The following TBC1D32 variants were observed in gnomAD, a reference collection of about 807,000 sequenced individuals.
The protein encoded by TBC1D32 is TBC1 domain family member 32.
In TBC1D32, 151 loss-of-function variants were observed where a neutral mutation model predicts 170.3. The ratio of observed to expected loss-of-function variants is 0.89; its 90% confidence interval spans 0.78 to 1.01. The LOEUF is 1.01. Among genes scored for constraint, TBC1D32 ranks in the 50% least tolerant of loss-of-function variants. TBC1D32 has a pLI of 0.00. For missense variants in TBC1D32, 1,464 were observed against 1,457.1 expected, an observed-to-expected ratio of 1.00 and a Z score of -0.08; for synonymous variants, 498 against 488.0, an observed-to-expected ratio of 1.02 and a Z score of -0.27.
At chr6:121,160,909 C>G (rs752770413) in intron 23 of TBC1D32, 39 bp downstream of exon 23, 2 of 1,538,634 alleles carry the variant, frequency 1.3e-6, no homozygotes, top group Admixed American at 1.7e-5. Context: ...CAAAATATGT[C>G]AGAAAAACAC....
intron 24 of TBC1D32, among the ~76,000 whole-genome samples, chr6:121,150,356 G>A (rs547532687): frequency 1.5e-4 from 23 of 152,258 alleles, no homozygotes; most frequent in Middle Eastern, 3.4e-3. Context: ...GGATGAAGCC[G>A]ACTTGATTGT....
At chr6:121,221,691 T>A (rs1794544643) in intron 21 of TBC1D32, among the ~76,000 whole-genome samples, 1 of 152,134 alleles carries the variant, frequency 6.6e-6, no homozygotes, top group Non-Finnish European at 1.5e-5. Flanking sequence ...AAAACTAGAA[T>A]TAAAAGTGGA....
chr6:121,275,340 T>C (rs1251504671), intron 15 of TBC1D32, among the ~76,000 whole-genome samples: 1 of 152,198 alleles, frequency 6.6e-6, no homozygotes, highest in African/African-American at 2.4e-5. Context: ...GAACTGCTAC[T>C]TTTTATAATA....
chr6:121,291,473 A>T (rs1360320987), intron 12 of TBC1D32, among the ~76,000 whole-genome samples: 1 of 152,222 alleles, frequency 6.6e-6, no homozygotes, highest in East Asian at 1.9e-4. Context: ...GTTCCCTGCC[A>T]TATACTATAT....
At chr6:121,297,252 T>C (rs546280945) in intron 10 of TBC1D32, among the ~76,000 whole-genome samples, 1 of 152,090 alleles carries the variant, frequency 6.6e-6, no homozygotes, top group African/African-American at 2.4e-5. Flanking sequence ...TAGACAGAAA[T>C]TTGCTATAAA....
chr6:121,125,317 G>T (rs557601306), intron 26 of TBC1D32, among the ~76,000 whole-genome samples: 50 of 152,280 alleles, frequency 3.3e-4, no homozygotes, highest in Non-Finnish European at 5.6e-4. Flanking sequence ...AAGACATGGG[G>T]AAGATCCAAA....
rs577737831 is a variant in TBC1D32, at chr6:121,185,140, T to C, written c.2570+19935A>G. ...ATACAAATCAGTACCTGAAGTCTCA[T>C]CTGTCTCCAAAGTAAATGAGTAGAT... On this transcript the variant is annotated intron_variant, in intron 22 of 31. Coordinates refer to ENST00000398212, the MANE Select transcript of TBC1D32 (RefSeq NM_152730.6). 5.3e-5 allele frequency among the ~76,000 whole-genome samples: 8 copies of C among 152,134 alleles called. No individual in the cohort carries two copies. The East Asian group carries it at 1.2e-3, about 22-fold the overall frequency.
rs144168528 is a variant in TBC1D32 at position 121,197,364 on chromosome 6, A to T, written c.2570+7711T>A. Among the ~76,000 whole-genome samples, 739 of 152,316 alleles carry T rather than the reference A, an allele frequency of 4.9e-3. 3 individuals are homozygous for T. Among genetic ancestry groups the T allele is most frequent in the Non-Finnish European group, 5.8e-3 (397 of 68,026 alleles). On this transcript the variant is annotated intron_variant, in intron 22 of 31. Transcript: ENST00000398212. ...AAAACCATGACCTCCTGAGGTACTGAAGGCAAAGGGAATACAGAATGGGTA... is the reference window on the plus strand; with the variant it reads ...AAAACCATGACCTCCTGAGGTACTGTAGGCAAAGGGAATACAGAATGGGTA...
rs553663745 is a variant in TBC1D32, at chr6:121,169,748, T to C, written c.2571-8692A>G. Among the ~76,000 whole-genome samples, 51 of 152,226 alleles carry C rather than the reference T, an allele frequency of 3.4e-4. 1 individual carries two copies. The South Asian group carries it at 0.01, about 31-fold the overall frequency. Reference sequence around the variant, plus strand: ...TATCAAGTAATATACTCCATAATAATTTTCCAAGACCTGGCTAAGATGCAG... The same window carrying C: ...TATCAAGTAATATACTCCATAATAACTTTCCAAGACCTGGCTAAGATGCAG... On this transcript the variant is annotated intron_variant, in intron 22 of 31. Coordinates refer to ENST00000398212, the MANE Select transcript of TBC1D32 (RefSeq NM_152730.6).
At chr6:121,201,552 T>TTAGAGGTAAAGAGATACC (rs1006184514) in intron 22 of TBC1D32, among the ~76,000 whole-genome samples, 1 of 151,386 alleles carries the variant, frequency 6.6e-6, no homozygotes, top group African/African-American at 2.5e-5. Flanking sequence ...TCTCTTTACC[T>TTAGAGGTAAAGAGATACC]TAGAGGAATC....
rs182506394 is a variant in TBC1D32 at position 121,237,202 on chromosome 6, T to G, written c.2364+1868A>C. ...CTGTTTCCTTTTCCATTTAGCACAT[T>G]TAAGATGCTCTACTGCCTCCTGGTT... On this transcript the variant is annotated intron_variant, in intron 20 of 31. Transcript: ENST00000398212. 2.6e-5 allele frequency: 4 copies of G among 152,206 alleles called. No individual in the cohort carries two copies. The East Asian group carries it at 7.7e-4, about 29-fold the overall frequency. The allele number at this position is 152,206 out of a possible 1,614,324, so 9.4% of individuals were successfully genotyped here.
chr6:121,170,788 T>A (rs1296432508), intron 22 of TBC1D32, among the ~76,000 whole-genome samples: 1 of 151,978 alleles, frequency 6.6e-6, no homozygotes, highest in Non-Finnish European at 1.5e-5. Context: ...AAATAGTAAA[T>A]TTTCCTCTCA....
intron 26 of TBC1D32, among the ~76,000 whole-genome samples, chr6:121,121,811 C>T (rs1780299098): frequency 6.6e-6 from 1 of 151,808 alleles, no homozygotes. Context: ...AAAAACAACC[C>T]TAAAGAAATT....
At chr6:121,152,512 T>C (rs576893796) in intron 24 of TBC1D32, among the ~76,000 whole-genome samples, 1 of 152,258 alleles carries the variant, frequency 6.6e-6, no homozygotes, top group African/African-American at 2.4e-5. Flanking sequence ...CTTTGTGGTG[T>C]TCTCTGTATT....
At chr6:121,140,269 T>G (rs912598378) in intron 24 of TBC1D32, among the ~76,000 whole-genome samples, 3 of 151,284 alleles carry the variant, frequency 2.0e-5, no homozygotes, top group Non-Finnish European at 4.4e-5. Flanking sequence ...TTATATAATA[T>G]ATACCTCCCC....
chr6:121,138,681 C>A (rs866479788), intron 24 of TBC1D32, among the ~76,000 whole-genome samples: 6 of 151,948 alleles, frequency 3.9e-5, no homozygotes, highest in African/African-American at 1.5e-4. Flanking sequence ...TGAGAAAATG[C>A]CTGACTTGAC....
At chr6:121,126,801 T>C (rs187203132) in intron 25 of TBC1D32, among the ~76,000 whole-genome samples, 2 of 152,224 alleles carry the variant, frequency 1.3e-5, no homozygotes, top group South Asian at 2.1e-4. Flanking sequence ...TTGTTCTTTA[T>C]GCATAACAAA....
At chr6:121,156,013 T>A (rs1320629939) in intron 24 of TBC1D32, among the ~76,000 whole-genome samples, 1 of 152,092 alleles carries the variant, frequency 6.6e-6, no homozygotes, top group Non-Finnish European at 1.5e-5. Flanking sequence ...GGTATCAGGA[T>A]AATATTGGCT....
chr6:121,201,581 C>G (rs529128538), intron 22 of TBC1D32, among the ~76,000 whole-genome samples: 1 of 151,198 alleles, frequency 6.6e-6, no homozygotes, highest in Non-Finnish European at 1.5e-5. Context: ...AATAATGACC[C>G]CTGGAGAGAA....
Sources: gnomAD v4.1 joint callset for allele counts (sites outside exome capture counted in the v4.1 genomes callset) on GRCh38, gnomAD v4.1.1 for gene constraint, MANE v1.5 for transcripts, NCBI Gene and HGNC (gene_info 2026-07-23, HGNC 2026-07-21) for gene names.